Variants in CORIN observed in about 807,000 individuals in gnomAD.
CORIN encodes atrial natriuretic peptide-converting enzyme.
In CORIN, 117 loss-of-function variants were observed where a neutral mutation model predicts 125.3. The observed-to-expected ratio is 0.93, with a 90% CI of 0.80 to 1.09. The LOEUF (loss-of-function observed/expected upper bound fraction) is 1.09. CORIN is among the 50% of genes least tolerant of loss of function. The probability of loss-of-function intolerance (pLI) is 0.00; values close to 1 mark genes in which losing one functional copy is unlikely to be tolerated. For missense variants in CORIN, 1,253 were observed against 1,306.7 expected, an observed-to-expected ratio of 0.96 and a Z score of 0.63; for synonymous variants, 450 against 466.4, an observed-to-expected ratio of 0.96 and a Z score of 0.45.
chr4:47,680,540 T>C (rs1411054582), intron 7 of CORIN: 2 of 282,084 alleles, frequency 7.1e-6, no homozygotes, highest in Non-Finnish European at 1.3e-5. Context: ...TTGTTTTCTT[T>C]AGTTGTCATT....
At chr4:47,778,967 C>T (rs994981713) in intron 3 of CORIN, among the ~76,000 whole-genome samples, 12 of 152,128 alleles carry the variant, frequency 7.9e-5, no homozygotes, top group African/African-American at 2.9e-4. Context: ...GAACCAATGG[C>T]CCCTACATAA....
At chr4:47,718,588 C>T (rs932533251) in intron 5 of CORIN, among the ~76,000 whole-genome samples, 7 of 152,168 alleles carry the variant, frequency 4.6e-5, no homozygotes, top group African/African-American at 7.2e-5. Flanking sequence ...TGTAACCTAA[C>T]GTGAGCTTTA....
At chr4:47,770,605 C>T (rs1029874079) in intron 3 of CORIN, among the ~76,000 whole-genome samples, 24 of 151,904 alleles carry the variant, frequency 1.6e-4, no homozygotes, top group Admixed American at 5.9e-4. Flanking sequence ...TTCACAATAG[C>T]GAAGATATGG....
chr4:47,632,652 G>A (rs1232544683), intron 16 of CORIN, among the ~76,000 whole-genome samples: 1 of 152,002 alleles, frequency 6.6e-6, no homozygotes, highest in Non-Finnish European at 1.5e-5. Context: ...CAGAGCATAA[G>A]TTCTGAGCTT....
At chr4:47,621,917 T>C (rs1417302762) in intron 19 of CORIN, among the ~76,000 whole-genome samples, 4 of 149,996 alleles carry the variant, frequency 2.7e-5, no homozygotes, top group African/African-American at 2.5e-5. Context: ...GTTACATATG[T>C]ATACATGTGC....
chr4:47,768,936 C>T (rs1729891412), intron 3 of CORIN, among the ~76,000 whole-genome samples: 1 of 152,114 alleles, frequency 6.6e-6, no homozygotes, highest in South Asian at 2.1e-4. Flanking sequence ...GCTCTTGCCA[C>T]TAATAATCAA....
chr4:47,676,852 G>A (rs938696917), intron 9 of CORIN, among the ~76,000 whole-genome samples: 1 of 152,066 alleles, frequency 6.6e-6, no homozygotes, highest in Non-Finnish European at 1.5e-5. Context: ...GGAAGTGCTC[G>A]GTTGATATGC....
intron 5 of CORIN, among the ~76,000 whole-genome samples, chr4:47,739,205 T>A (rs76830502): frequency 6.6e-6 from 1 of 151,060 alleles, no homozygotes; most frequent in East Asian, 2.0e-4. Flanking sequence ...AACAAAGAAG[T>A]ACAAAAATTC....
intron 19 of CORIN, among the ~76,000 whole-genome samples, chr4:47,606,278 G>T (rs948224550): frequency 3.3e-5 from 5 of 151,492 alleles, no homozygotes; most frequent in African/African-American, 4.9e-5. Flanking sequence ...CTTGAGTCAG[G>T]GTCTTGCTCT....
At position 47,780,624 on chromosome 4, in the gene CORIN, T is replaced by C. The variant is rs962097854; in HGVS notation, c.409+6101A>G. On this transcript the variant is annotated intron_variant, in intron 3 of 21. Coordinates refer to ENST00000273857, the MANE Select transcript of CORIN (RefSeq NM_006587.4). Reference sequence around the variant, plus strand: ...TAATTTTTTTTTACTAGAGAGCATCTGGAAAGATGGTGGGATAGGAAACAC... The same window carrying C: ...TAATTTTTTTTTACTAGAGAGCATCCGGAAAGATGGTGGGATAGGAAACAC... Among the ~76,000 whole-genome samples the C allele has an allele frequency of 3.3e-5, 5 of 152,164 alleles. No homozygotes were observed. The East Asian group carries it at 9.7e-4, about 29-fold the overall frequency.
chr4:47,701,062 GA>G (rs1390005813), intron 5 of CORIN, among the ~76,000 whole-genome samples: 3 of 152,178 alleles, frequency 2.0e-5, no homozygotes, highest in African/African-American at 4.8e-5. Context: ...AGTAGCATAT[GA>G]TAGGTGGTTG....
At chr4:47,617,501 C>T (rs972174899) in intron 19 of CORIN, among the ~76,000 whole-genome samples, 17 of 152,182 alleles carry the variant, frequency 1.1e-4, no homozygotes, top group African/African-American at 2.2e-4. Context: ...GAGAGGGTGA[C>T]GGAAAACATT....
At position 47,653,630 on chromosome 4, in the gene CORIN, G is replaced by T. The variant is rs1176505390; in HGVS notation, c.1766C>A (p.Ser589Ter). 2 of 1,613,968 alleles carry T rather than the reference G, an allele frequency of 1.2e-6. No individual in the cohort carries two copies. The highest frequency in any genetic ancestry group is 1.3e-5 in the African/African-American group (1 of 74,920). Residue 589 changes from serine (S) to a stop codon, truncating the protein, a stop_gained, in exon 13 of 22, where the codon TCA (serine) becomes TAA (stop). Coordinates refer to ENST00000273857, the MANE Select transcript of CORIN (RefSeq NM_006587.4). LOFTEE classifies it high-confidence loss of function. ...TCTGGAAGCCAGAACACACTGTCCTGAGCGGCACTTGAAATGACTAGGTGA... is the reference window on the plus strand; with the variant it reads ...TCTGGAAGCCAGAACACACTGTCCTTAGCGGCACTTGAAATGACTAGGTGA... The part of the protein sequence containing the change: ...ECSPSHFKCR[S>*]GQCVLASRRC...
intron 5 of CORIN, among the ~76,000 whole-genome samples, chr4:47,703,347 T>C (rs1244637844): frequency 1.3e-5 from 2 of 152,012 alleles, no homozygotes; most frequent in Admixed American, 6.6e-5. Context: ...CCCAGAATAA[T>C]CAGATAACTT....
intron 5 of CORIN, among the ~76,000 whole-genome samples, chr4:47,729,220 T>C (rs958124830): frequency 1.1e-4 from 17 of 152,246 alleles, no homozygotes; most frequent in African/African-American, 4.1e-4. Flanking sequence ...CTTAAAAGTA[T>C]TTTTAAAGCT....
intron 3 of CORIN, among the ~76,000 whole-genome samples, chr4:47,764,076 T>C (rs1729595387): frequency 6.6e-6 from 1 of 152,216 alleles, no homozygotes; most frequent in Admixed American, 6.5e-5. Context: ...GCAAAAAGAA[T>C]TGTTCTTTAG....
chr4:47,660,369 C>G (rs1724187946), intron 12 of CORIN, among the ~76,000 whole-genome samples: 1 of 151,818 alleles, frequency 6.6e-6, no homozygotes, highest in South Asian at 2.1e-4. Context: ...TTCTGCAAAG[C>G]AAAGGAAAGT....
chr4:47,824,025 C>T (rs1207722898), intron 1 of CORIN, among the ~76,000 whole-genome samples: 1 of 152,082 alleles, frequency 6.6e-6, no homozygotes, highest in Non-Finnish European at 1.5e-5. Context: ...ACTCTGTCCA[C>T]TGAACCATTC....
At chr4:47,812,255 T>C (rs905977655) in intron 1 of CORIN, among the ~76,000 whole-genome samples, 1 of 152,120 alleles carries the variant, frequency 6.6e-6, no homozygotes, top group African/African-American at 2.4e-5. Flanking sequence ...ACCAGCACTT[T>C]GGGAGGCTGA....
Sources: gnomAD v4.1 joint callset for allele counts (sites outside exome capture counted in the v4.1 genomes callset) on GRCh38, gnomAD v4.1.1 for gene constraint, MANE v1.5 for transcripts, NCBI Gene and HGNC (gene_info 2026-07-23, HGNC 2026-07-21) for gene names.